Variants in SLC37A1 observed in about 807,000 individuals in gnomAD.
SLC37A1 encodes the protein solute carrier family 37 member 1.
Under a neutral mutation model 75.3 loss-of-function variants are expected in SLC37A1, and 49 were observed. That is an observed-to-expected ratio of 0.65 (90% CI 0.52 to 0.83). SLC37A1 has a LOEUF of 0.83. Among genes scored for constraint, SLC37A1 ranks in the 40% least tolerant of loss-of-function variants. The pLI is 0.00. For synonymous variants in SLC37A1, 268 were observed against 292.1 expected, an observed-to-expected ratio of 0.92 and a Z score of 0.84; for missense variants, 566 against 695.0, an observed-to-expected ratio of 0.81 and a Z score of 2.09.
intron 5 of SLC37A1, among the ~76,000 whole-genome samples, chr21:42,537,730 G>A (rs1245915429): frequency 2.0e-5 from 3 of 152,240 alleles, no homozygotes; most frequent in Admixed American, 2.0e-4. Flanking sequence ...CTTATTTACG[G>A]TAAAGATAAT....
intron 5 of SLC37A1, 119 bp downstream of exon 5, chr21:42,535,669 C>A: frequency 2.4e-6 from 2 of 842,304 alleles, no homozygotes; most frequent in Non-Finnish European, 4.0e-6. Context: ...TTGCCACTGG[C>A]TTCCCTGCTG....
At chr21:42,565,205 C>T (rs2055945347) in intron 14 of SLC37A1, among the ~76,000 whole-genome samples, 2 of 152,262 alleles carry the variant, frequency 1.3e-5, no homozygotes, top group South Asian at 4.1e-4. Context: ...CCCTCTATGC[C>T]CCAGTTCCCT....
chr21:42,513,906 G>A lies in SLC37A1; in HGVS notation c.-990G>A, dbSNP rs1327743531. On this transcript the variant is annotated 5_prime_UTR_variant, in exon 1 of 20. Transcript: ENST00000352133. ...GCCGGGCCGGGCTGGGCTGCGGAGC[G>A]CGGGCCTCGGCGGCGCAGGTGAGGC... is the stretch of plus-strand genomic sequence containing the variant. 3 of 146,226 alleles carry A rather than the reference G, an allele frequency of 2.1e-5. No individual in the cohort carries two copies. Among genetic ancestry groups the A allele is most frequent in the African/African-American group, 7.4e-5 (3 of 40,666 alleles). 9.1% of individuals were successfully genotyped at this position (146,226 alleles called of 1,614,324 possible).
At chr21:42,531,075 C>G (rs2054959971) in intron 3 of SLC37A1, among the ~76,000 whole-genome samples, 1 of 152,174 alleles carries the variant, frequency 6.6e-6, no homozygotes, top group Admixed American at 6.5e-5. Flanking sequence ...GCCTGCTGCT[C>G]CCCGGACGGG....
intron 2 of SLC37A1, among the ~76,000 whole-genome samples, chr21:42,503,458 G>A (rs1033001462): frequency 4.0e-5 from 6 of 151,744 alleles, no homozygotes; most frequent in East Asian, 1.9e-4. Context: ...TTGCCATGTC[G>A]CCCAGGCTCA....
chr21:42,578,185 C>G (rs536066479), intron 18 of SLC37A1, among the ~76,000 whole-genome samples: 5 of 152,218 alleles, frequency 3.3e-5, no homozygotes, highest in Admixed American at 6.5e-5. Context: ...TGCCTCACAA[C>G]ACACACTGAT....
rs532113050 is a variant in SLC37A1 at position 42,573,326 on chromosome 21, C to T, written c.1424-1492C>T. ...ACCCCCTTCCGTTCCCACTGCGTTC[C>T]TCCTTCCTTGCCTTCCCCTCCCCTG... On this transcript the variant is annotated intron_variant, in intron 17 of 19. Transcript: ENST00000352133. Among the ~76,000 whole-genome samples, 4 of 101,812 alleles carry T rather than the reference C, an allele frequency of 3.9e-5. No homozygotes were observed. The South Asian group carries it at 1.2e-3, about 30-fold the overall frequency. The allele number at this position is 101,812 out of a possible 152,430, so 66.8% of individuals were successfully genotyped here. A position where few individuals can be genotyped will look rare whatever the true frequency, so the allele number is the denominator to read the frequency against.
intron 2 of SLC37A1, among the ~76,000 whole-genome samples, chr21:42,525,143 C>G (rs1216464342): frequency 6.6e-6 from 1 of 152,224 alleles, no homozygotes; most frequent in Non-Finnish European, 1.5e-5. Flanking sequence ...GCTCCGAGCT[C>G]CCTGCCCCAT....
chr21:42,506,052 G>A (rs892506732), intron 2 of SLC37A1, among the ~76,000 whole-genome samples: 1 of 152,234 alleles, frequency 6.6e-6, no homozygotes, highest in Non-Finnish European at 1.5e-5. Context: ...TGGGCAGGCA[G>A]TAAGAGGATT....
intron 3 of SLC37A1, among the ~76,000 whole-genome samples, chr21:42,533,747 C>T (rs868803771): frequency 4.6e-5 from 7 of 152,306 alleles, no homozygotes; most frequent in South Asian, 2.1e-4. Flanking sequence ...TCACGGGTCC[C>T]AGTGACTTCT....
intron 16 of SLC37A1, among the ~76,000 whole-genome samples, chr21:42,567,529 G>A (rs1451739761): frequency 2.0e-5 from 3 of 152,188 alleles, no homozygotes; most frequent in African/African-American, 7.2e-5. Flanking sequence ...ATTCTGGAAG[G>A]ATCCACATCA....
Position 42,534,811 on chromosome 21 carries a change from C to A in SLC37A1, c.252C>A (p.Asp84Glu). 6.2e-7 allele frequency: 1 copy of A among 1,613,896 alleles called. No individual in the cohort carries two copies. The highest frequency in any genetic ancestry group is 8.5e-7 in the Non-Finnish European group (1 of 1,179,916). ...APHQLPDNETDCGWAPFDKNN... is the reference protein window; with the variant it reads ...APHQLPDNETECGWAPFDKNN... ...ACCAGCTCCCTGACAATGAGACCGA[C>A]TGTGGCTGGGCACCGTTTGGTAAGT... The change falls in exon 4 of 20, where the codon GAC (aspartate) becomes GAA (glutamate). Residue 84 changes from aspartate (D) to glutamate (E), a missense_variant. Coordinates refer to ENST00000352133, the MANE Select transcript of SLC37A1 (RefSeq NM_001320537.2).
In SLC37A1 at chr21:42,556,224, G is replaced by T. The variant is rs544559814; in HGVS notation, c.849+2082G>T. Among the ~76,000 whole-genome samples, 6 of 152,364 alleles carry T rather than the reference G, an allele frequency of 3.9e-5. No homozygotes were observed. In the East Asian group the frequency reaches 5.8e-4, roughly 15 times the overall value. ...GTTTTAGAGGATTGTCTTGGGGACG[G>T]TCGCACTTGCCATCCCTGTAGTCAC... On this transcript the variant is annotated intron_variant, in intron 10 of 19. Coordinates refer to ENST00000352133, the MANE Select transcript of SLC37A1 (RefSeq NM_001320537.2).
At chr21:42,559,506 G>A (rs576409129) in intron 11 of SLC37A1, among the ~76,000 whole-genome samples, 25 of 152,352 alleles carry the variant, frequency 1.6e-4, no homozygotes, top group African/African-American at 4.8e-4. Flanking sequence ...GGCCTTGAGC[G>A]TGAGCCCATG....
intron 2 of SLC37A1, among the ~76,000 whole-genome samples, chr21:42,521,948 G>A (rs990582894): frequency 1.8e-4 from 28 of 152,212 alleles, no homozygotes; most frequent in Non-Finnish European, 1.2e-4. Context: ...AAGTCAAAGT[G>A]TCAGCAGGGC....
chr21:42,567,163 C>A, intron 16 of SLC37A1, 105 bp downstream of exon 16: 1 of 1,246,958 alleles, frequency 8.0e-7, no homozygotes, highest in Non-Finnish European at 1.1e-6. Context: ...TTTGCAGAAG[C>A]ACGTTTTTGG....
In SLC37A1 at chr21:42,518,961, C is replaced by G. The variant is rs117109057; in HGVS notation, c.56+451C>G. ...ATGCTGCTTTCCGTTCAGAGAGTGCCTCGCCTTGCATATTCTGAGAATCCT... is the reference window on the plus strand; with the variant it reads ...ATGCTGCTTTCCGTTCAGAGAGTGCGTCGCCTTGCATATTCTGAGAATCCT... On this transcript the variant is annotated intron_variant, in intron 2 of 19. Coordinates refer to ENST00000352133, the MANE Select transcript of SLC37A1 (RefSeq NM_001320537.2). Among the ~76,000 whole-genome samples, 1,040 of 152,308 alleles carry G rather than the reference C, an allele frequency of 6.8e-3. 4 individuals are homozygous for G. Among genetic ancestry groups the G allele is most frequent in the Non-Finnish European group, 0.012 (837 of 68,032 alleles).
At chr21:42,501,036 C>A (rs1186983572) in intron 1 of SLC37A1, among the ~76,000 whole-genome samples, 1 of 152,176 alleles carries the variant, frequency 6.6e-6, no homozygotes, top group African/African-American at 2.4e-5. Flanking sequence ...TAGTGGACAC[C>A]AGTGTGGAGA....
chr21:42,554,066 CA>C lies in SLC37A1; in HGVS notation c.777del (p.Gly260AlafsTer9). 1 of 1,606,852 alleles carries C rather than the reference CA, an allele frequency of 6.2e-7. No individual in the cohort carries two copies. The highest frequency in any genetic ancestry group is 8.5e-7 in the Non-Finnish European group (1 of 1,176,946). On this transcript the variant is annotated frameshift_variant, in exon 10 of 20. Coordinates refer to ENST00000352133, the MANE Select transcript of SLC37A1 (RefSeq NM_001320537.2). LOFTEE classifies it high-confidence loss of function. ...TGAAACTTTTTTTTTTACCAGCACT[CA>C]AAAGGCTATGAGAATGGTACAAACA... is the stretch of plus-strand genomic sequence containing the variant. ...VRCSSTLVTH[S>X]KGYENGTNRL...
Sources: allele counts gnomAD v4.1 joint callset (sites outside exome capture counted in the v4.1 genomes callset), GRCh38; gene constraint gnomAD v4.1.1; transcripts MANE v1.5; gene names NCBI Gene and HGNC (gene_info 2026-07-23, HGNC 2026-07-21).